BMP5: variants seen among roughly 807,000 people sequenced by gnomAD.
BMP5 encodes the protein bone morphogenetic protein 5.
Under a neutral mutation model 46.6 loss-of-function variants are expected in BMP5, and 23 were observed. The observed-to-expected ratio is 0.49, with a 90% CI of 0.35 to 0.70. The LOEUF (loss-of-function observed/expected upper bound fraction) is 0.70. Among genes scored for constraint, BMP5 ranks in the 30% least tolerant of loss-of-function variants. The pLI is 0.00. For missense variants in BMP5, 545 were observed against 565.6 expected (o/e 0.96, Z 0.37); for synonymous variants, 204 against 191.9 (o/e 1.06, Z -0.52).
chr6:55,813,551 G>A (rs1186877170), intron 2 of BMP5, among the ~76,000 whole-genome samples: 1 of 151,692 alleles, frequency 6.6e-6, no homozygotes, highest in South Asian at 2.1e-4. Context: ...GCACTTTTGG[G>A]GGCCGAGGCG....
At position 55,844,719 on chromosome 6, in the gene BMP5, G is replaced by A. The variant is rs565363926; in HGVS notation, c.491-24872C>T. On this transcript the variant is annotated intron_variant, in intron 1 of 6. Coordinates refer to ENST00000370830, the MANE Select transcript of BMP5 (RefSeq NM_021073.4). ...ATTTTTTTCTTGACCTTTAAAATATGGTAAATACACAGTTTAACTCTTGCC... is the reference window on the plus strand; with the variant it reads ...ATTTTTTTCTTGACCTTTAAAATATAGTAAATACACAGTTTAACTCTTGCC... Among the ~76,000 whole-genome samples the A allele has an allele frequency of 5.3e-5, 8 of 151,344 alleles. No individual in the cohort carries two copies. In the South Asian group the frequency reaches 1.7e-3, roughly 32 times the overall value.
chr6:55,760,650 G>A, intron 4 of BMP5, 117 bp from the exon 5 acceptor site: 1 of 882,158 alleles, frequency 1.1e-6, no homozygotes, highest in Non-Finnish European at 1.8e-6. Context: ...GTGGAAAAAT[G>A]AGTTTCAATC....
chr6:55,850,388 A>AGATC (rs991585633), intron 1 of BMP5, among the ~76,000 whole-genome samples: 1 of 149,310 alleles, frequency 6.7e-6, no homozygotes, highest in Non-Finnish European at 1.5e-5. Context: ...ATAGATAGAT[A>AGATC]GATAGATCGA....
Position 55,758,997 on chromosome 6 carries a change from A to T in BMP5, c.1215+8T>A, listed in dbSNP as rs1432026961. ...AGCTTTTCTTAATCCTTCAAAAACAAAGCTTACCAGAGTCTGAACTATAGC... is the reference window on the plus strand; with the variant it reads ...AGCTTTTCTTAATCCTTCAAAAACATAGCTTACCAGAGTCTGAACTATAGC... On this transcript the variant is annotated splice_region_variant and intron_variant, in intron 6 of 6. Coordinates refer to ENST00000370830, the MANE Select transcript of BMP5 (RefSeq NM_021073.4). 9.5e-6 allele frequency: 15 copies of T among 1,570,848 alleles called. No individual in the cohort carries two copies. The highest frequency in any genetic ancestry group is 1.4e-5 in the African/African-American group (1 of 73,970).
rs1007971296 is a variant in BMP5 at position 55,753,947 on chromosome 6, A to G, written c.*1586T>C. ...TTCCATTTCTTATTCTCTCAATGGT[A>G]CACCATTAATTAAAAATATATTACT... On this transcript the variant is annotated 3_prime_UTR_variant, in exon 7 of 7. Transcript: ENST00000370830. 1 of 152,018 alleles carries G rather than the reference A, an allele frequency of 6.6e-6. No individual in the cohort carries two copies. The highest frequency in any genetic ancestry group is 2.4e-5 in the African/African-American group (1 of 41,434). The allele number at this position is 152,018 out of a possible 1,614,324, so 9.4% of individuals were successfully genotyped here. A position where few individuals can be genotyped will look rare whatever the true frequency, so the allele number is the denominator to read the frequency against.
intron 5 of BMP5, 57 bp from the exon 6 acceptor site, chr6:55,759,172 A>AAAAAAAAAAAAAAAAAAAAAAAAAAAAC (rs1562023483): frequency 4.6e-5 from 34 of 738,892 alleles, no homozygotes; most frequent in South Asian, 2.3e-4. Flanking sequence ...AAAAAAAAAA[A>AAAAAAAAAAAAAAAAAAAAAAAAAAAAC]AAAAAAAAAA....
intron 1 of BMP5, among the ~76,000 whole-genome samples, chr6:55,861,891 G>C (rs80303073): frequency 0.2 from 30,817 of 152,038 alleles, 3,630 homozygotes; most frequent in Admixed American, 0.26. Flanking sequence ...TGAATAGCTT[G>C]AGCTCTGAAT....
chr6:55,854,388 C>T (rs1425848844), intron 1 of BMP5, among the ~76,000 whole-genome samples: 2 of 151,892 alleles, frequency 1.3e-5, no homozygotes, highest in African/African-American at 4.8e-5. Context: ...AATATTTTTT[C>T]ATTTCAATAA....
intron 1 of BMP5, among the ~76,000 whole-genome samples, chr6:55,873,193 T>C (rs1777824381): frequency 6.6e-6 from 1 of 151,970 alleles, no homozygotes. Context: ...TTAAGATTTG[T>C]TGATAATCTG....
chr6:55,790,141 T>G (rs1775541887), intron 3 of BMP5, among the ~76,000 whole-genome samples: 1 of 152,172 alleles, frequency 6.6e-6, no homozygotes, highest in South Asian at 2.1e-4. Context: ...TTAAACTATT[T>G]AATTTCTGTA....
intron 6 of BMP5, among the ~76,000 whole-genome samples, chr6:55,757,393 C>G (rs1287767635): frequency 6.6e-6 from 1 of 151,924 alleles, no homozygotes; most frequent in Non-Finnish European, 1.5e-5. Context: ...TACAGAAAGA[C>G]AGTGATCATG....
At chr6:55,850,350 G>GTAGGTAGATAGATAGATAGATAGA (rs1403045305) in intron 1 of BMP5, among the ~76,000 whole-genome samples, 2 of 53,718 alleles carry the variant, frequency 3.7e-5, no homozygotes, top group Non-Finnish European at 7.9e-5. Context: ...AGTTAGGTAA[G>GTAGGTAGATAGATAGATAGATAGA]TAGGTAGATA....
At chr6:55,812,307 G>A (rs1378829584) in intron 2 of BMP5, among the ~76,000 whole-genome samples, 1 of 152,088 alleles carries the variant, frequency 6.6e-6, no homozygotes, top group Non-Finnish European at 1.5e-5. Context: ...TTGGGAAGGT[G>A]GGAGAAATGG....
At chr6:55,836,177 T>A (rs1420758684) in intron 1 of BMP5, among the ~76,000 whole-genome samples, 1 of 152,054 alleles carries the variant, frequency 6.6e-6, no homozygotes. Flanking sequence ...GTTTATTGAG[T>A]GCGTAAAGTA....
At chr6:55,873,816 A>T (rs935345262) in intron 1 of BMP5, among the ~76,000 whole-genome samples, 3 of 152,040 alleles carry the variant, frequency 2.0e-5, no homozygotes, top group Admixed American at 2.0e-4. Context: ...TATTTCTGAA[A>T]TATTTACTAT....
intron 1 of BMP5, among the ~76,000 whole-genome samples, chr6:55,871,919 G>T (rs1158954492): frequency 6.6e-6 from 1 of 151,706 alleles, no homozygotes; most frequent in African/African-American, 2.4e-5. Flanking sequence ...CTATATGCAT[G>T]TCTTTTAAGA....
At chr6:55,789,341 T>G (rs1359666727) in intron 3 of BMP5, among the ~76,000 whole-genome samples, 1 of 151,968 alleles carries the variant, frequency 6.6e-6, no homozygotes, top group East Asian at 1.9e-4. Context: ...TTTTTCAATC[T>G]CTAAATTATT....
chr6:55,803,147 TG>T (rs548461323), intron 2 of BMP5, among the ~76,000 whole-genome samples: 4 of 3,022 alleles, frequency 1.3e-3, no homozygotes, highest in East Asian at 0.014. Flanking sequence ...TTAGCTGGGG[TG>T]GGGGGGTGGG....
At chr6:55,768,302 C>T (rs1231461048) in intron 4 of BMP5, among the ~76,000 whole-genome samples, 1 of 151,912 alleles carries the variant, frequency 6.6e-6, no homozygotes, top group African/African-American at 2.4e-5. Context: ...AATGCTTTGA[C>T]TTAAGATTTT....
Sources: allele counts gnomAD v4.1 joint callset (sites outside exome capture counted in the v4.1 genomes callset), GRCh38; gene constraint gnomAD v4.1.1; transcripts MANE v1.5; gene names NCBI Gene and HGNC (gene_info 2026-07-23, HGNC 2026-07-21).